IL17RB: variants seen among roughly 807,000 people sequenced by gnomAD.
IL17RB encodes the protein interleukin-17 receptor B.
IL17RB carries 36 observed loss-of-function variants against 43.9 expected under a neutral mutation model. That is an observed-to-expected ratio of 0.82 (90% confidence interval 0.63 to 1.08). The LOEUF is 1.08. Among genes scored for constraint, IL17RB ranks in the 50% least tolerant of loss-of-function variants. IL17RB has a pLI of 0.00. For synonymous variants in IL17RB, 225 were observed against 225.4 expected, an observed-to-expected ratio of 1.00 and a Z score of 0.02; for missense variants, 613 against 613.6, an observed-to-expected ratio of 1.00 and a Z score of 0.01.
chr3:53,861,344 C>T (rs562649527), intron 10 of IL17RB: 2 of 151,704 alleles, frequency 1.3e-5, no homozygotes, highest in Non-Finnish European at 2.9e-5. Context: ...TGATATGTAC[C>T]ATAAATTGAG....
chr3:53,860,028 A>T (rs924429616), intron 9 of IL17RB, 102 bp from the exon 10 acceptor site: 13 of 829,954 alleles, frequency 1.6e-5, no homozygotes, highest in African/African-American at 3.4e-5. Flanking sequence ...AAAATAATAA[A>T]AAATAAATAA....
chr3:53,864,453 T>G (rs959547487), intron 10 of IL17RB, among the ~76,000 whole-genome samples: 3 of 151,928 alleles, frequency 2.0e-5, no homozygotes, highest in African/African-American at 7.3e-5. Flanking sequence ...GAGAATGGCG[T>G]GAACCCAGGA....
At chr3:53,850,499 CAA>C (rs57986255) in intron 3 of IL17RB, among the ~76,000 whole-genome samples, 20 of 81,806 alleles carry the variant, frequency 2.4e-4, no homozygotes, top group Non-Finnish European at 1.5e-4. Flanking sequence ...AACTCCGTCT[CAA>C]AAAAAAAAAA....
intron 1 of IL17RB, 28 bp from the exon 2 acceptor site, chr3:53,848,636 G>A (rs1025690): frequency 0.7 from 1,131,345 of 1,604,824 alleles, 400,914 homozygotes; most frequent in East Asian, 0.94. Flanking sequence ...CGGCTTCAAC[G>A]TGACGCTTGG....
intron 3 of IL17RB, among the ~76,000 whole-genome samples, chr3:53,851,231 A>T (rs1699132812): frequency 6.6e-6 from 1 of 152,134 alleles, no homozygotes; most frequent in Admixed American, 6.5e-5. Flanking sequence ...CTGGTCAAGA[A>T]TCCATGAGTG....
At chr3:53,850,800 C>CAAAATAAAAT (rs59205078) in intron 3 of IL17RB, among the ~76,000 whole-genome samples, 3 of 149,912 alleles carry the variant, frequency 2.0e-5, no homozygotes, top group African/African-American at 7.5e-5. Context: ...GAGACTGTCT[C>CAAAATAAAAT]AAAATAAAAT....
intron 3 of IL17RB, among the ~76,000 whole-genome samples, chr3:53,851,265 C>T (rs1699135087): frequency 1.3e-5 from 2 of 152,156 alleles, no homozygotes; most frequent in South Asian, 4.1e-4. Context: ...GAGGAGTCAC[C>T]TACAGTCTCC....
chr3:53,856,966 G>A lies in IL17RB; in HGVS notation c.652G>A (p.Gly218Arg), dbSNP rs371947996. The change falls in exon 7 of 11, where the codon GGG becomes AGG. Residue 218 changes from glycine to arginine, a missense_variant. Gly to Arg is a moderately radical substitution (Grantham distance 125). Transcript: ENST00000288167. The stretch of plus-strand genomic sequence containing the variant: ...TCTTATCCAACACAGCACTATCATC[G>A]GGTTTTCTCAGGTGTTTGAGGTACT... ...MALIQHSTII[G>R]FSQVFEPHQK... is the part of the protein sequence containing the mutation. 39 of 1,613,922 alleles carry A rather than the reference G, an allele frequency of 2.4e-5. No homozygotes were observed. The highest frequency in any genetic ancestry group is 1.7e-4 in the Middle Eastern group (1 of 5,990).
At chr3:53,857,264 G>A (rs981470847) in intron 7 of IL17RB, among the ~76,000 whole-genome samples, 24 of 152,132 alleles carry the variant, frequency 1.6e-4, no homozygotes, top group African/African-American at 5.8e-4. Context: ...CTCGAAATCT[G>A]CTCACTCCTG....
At chr3:53,860,536 G>T in intron 10 of IL17RB, 1 of 229,184 alleles carries the variant, frequency 4.4e-6, no homozygotes, top group Non-Finnish European at 8.6e-6. Flanking sequence ...TACCTGTGAT[G>T]GTTACTCTAT....
intron 10 of IL17RB, among the ~76,000 whole-genome samples, chr3:53,863,314 CTA>C (rs35343330): frequency 0.037 from 5,695 of 152,258 alleles, 146 homozygotes; most frequent in South Asian, 0.07. Context: ...GCTGTACTCT[CTA>C]AGGGCTTTGC....
Position 53,865,388 on chromosome 3 carries a change from C to A in IL17RB, c.*80C>A. ...GAAAAAACGTGTGATGATCCTGAAG[C>A]TTACTATGCAGCCTACAAACAGCCT... On this transcript the variant is annotated 3_prime_UTR_variant, in exon 11 of 11. Coordinates refer to ENST00000288167, the MANE Select transcript of IL17RB (RefSeq NM_018725.4). The A allele has an allele frequency of 8.9e-7, 1 of 1,120,604 alleles. No homozygotes were observed. Among genetic ancestry groups the A allele is most frequent in the Non-Finnish European group, 1.3e-6 (1 of 798,902 alleles). 69.4% of individuals were successfully genotyped at this position (1,120,604 alleles called of 1,614,324 possible). A position where few individuals can be genotyped will look rare whatever the true frequency, so the allele number is the denominator to read the frequency against.
At position 53,846,586 on chromosome 3, in the gene IL17RB, G is replaced by C. The variant is rs1215798529; in HGVS notation, c.-3G>C. On this transcript the variant is annotated 5_prime_UTR_variant, in exon 1 of 11. Coordinates refer to ENST00000288167, the MANE Select transcript of IL17RB (RefSeq NM_018725.4). ...GGCCTGGATCCCGCGCAGTGGCCCG[G>C]CGATGTCGCTCGTGCTGCTAAGCCT... 3.2e-6 allele frequency: 5 copies of C among 1,579,828 alleles called. No homozygotes were observed. The South Asian group carries it at 5.7e-5, about 18-fold the overall frequency.
chr3:53,849,891 C>A, intron 3 of IL17RB, 96 bp downstream of exon 3: 2 of 1,198,304 alleles, frequency 1.7e-6, no homozygotes. Context: ...TACGCATAAC[C>A]AACAGAAATA....
intron 10 of IL17RB, 110 bp from the exon 11 acceptor site, chr3:53,864,636 G>A: frequency 1.2e-6 from 1 of 811,574 alleles, no homozygotes; most frequent in Non-Finnish European, 2.0e-6. Flanking sequence ...CAAGGCCCTT[G>A]GTGCTCAGCT....
At chr3:53,863,231 A>C (rs1260609815) in intron 10 of IL17RB, among the ~76,000 whole-genome samples, 1 of 152,220 alleles carries the variant, frequency 6.6e-6, no homozygotes, top group Non-Finnish European at 1.5e-5. Context: ...GTTGTGGGAA[A>C]ATCAAAGGTT....
intron 4 of IL17RB, among the ~76,000 whole-genome samples, chr3:53,852,350 G>A (rs1434375854): frequency 6.6e-6 from 1 of 152,000 alleles, no homozygotes; most frequent in Non-Finnish European, 1.5e-5. Flanking sequence ...CGTGTTGCTG[G>A]TCTTGAATTC....
intron 10 of IL17RB, chr3:53,860,710 G>A (rs906846008): frequency 1.3e-5 from 2 of 151,962 alleles, no homozygotes; most frequent in Non-Finnish European, 2.9e-5. Flanking sequence ...TTGGAGATTT[G>A]TATCACTTTG....
intron 3 of IL17RB, among the ~76,000 whole-genome samples, chr3:53,850,189 A>G (rs1261698131): frequency 2.0e-5 from 3 of 152,180 alleles, no homozygotes; most frequent in Admixed American, 1.3e-4. Context: ...AACAAAACCA[A>G]TCTAGTGTTT....
Sources: gnomAD v4.1 joint callset for allele counts (sites outside exome capture counted in the v4.1 genomes callset) on GRCh38, gnomAD v4.1.1 for gene constraint, MANE v1.5 for transcripts, NCBI Gene and HGNC (gene_info 2026-07-23, HGNC 2026-07-21) for gene names.